Variants in AOAH observed in about 807,000 individuals in gnomAD.
The protein encoded by AOAH is acyloxyacyl hydrolase (neutrophil).
A neutral mutation model predicts 92.2 loss-of-function variants in AOAH; 64 were observed. That is an observed-to-expected ratio of 0.69 (90% CI 0.57 to 0.86). The LOEUF (loss-of-function observed/expected upper bound fraction) is 0.86, where lower values mean the gene tolerates loss of function less well. Ranked by LOEUF, AOAH falls within the 40% of genes least tolerant of loss-of-function variation. The pLI, the probability that AOAH is intolerant of heterozygous loss-of-function variation, is 0.00. For missense variants in AOAH, 656 were observed against 694.6 expected, an observed-to-expected ratio of 0.94 and a Z score of 0.62; for synonymous variants, 263 against 254.5, an observed-to-expected ratio of 1.03 and a Z score of -0.32.
chr7:36,588,557 C>A (rs1211016098), intron 12 of AOAH, among the ~76,000 whole-genome samples: 1 of 152,038 alleles, frequency 6.6e-6, no homozygotes, highest in African/African-American at 2.4e-5. Context: ...GTTATTAGGC[C>A]CATTAGTGTT....
chr7:36,581,185 TCTTCTGGGG>T (rs1232137862), intron 12 of AOAH, among the ~76,000 whole-genome samples: 1 of 152,158 alleles, frequency 6.6e-6, no homozygotes, highest in Non-Finnish European at 1.5e-5. Context: ...AATCCCCAAG[TCTTCTGGGG>T]CTTCTGCAGT....
rs561889300 is a variant in AOAH, at chr7:36,608,293, C to T, written c.846+8087G>A. On this transcript the variant is annotated intron_variant, in intron 11 of 20. Coordinates refer to ENST00000617537, the MANE Select transcript of AOAH (RefSeq NM_001637.4). ...GGGAAAGCTGAGCCCCACTGTCCCT[C>T]TGACACTGGCCATTCCCAGCCTCAA... is the stretch of plus-strand genomic sequence containing the variant. Among the ~76,000 whole-genome samples, 284 of 152,344 alleles carry T rather than the reference C, an allele frequency of 1.9e-3. 1 individual carries two copies. The highest frequency in any genetic ancestry group is 6.5e-3 in the African/African-American group (272 of 41,578).
In AOAH at chr7:36,523,629, G is replaced by GTTTTTTTTTTTTTT. The variant is rs57628897; in HGVS notation, c.1523-1528_1523-1515dup. On this transcript the variant is annotated intron_variant, in intron 19 of 20. Coordinates refer to ENST00000617537, the MANE Select transcript of AOAH (RefSeq NM_001637.4). ...TCAGTTTGCCTGGCCTGTTTTGCCT[G>GTTTTTTTTTTTTTT]TTTTTTTTTTTTTTTTTTTTGGCAT... is the stretch of plus-strand genomic sequence containing the variant. Among the ~76,000 whole-genome samples the GTTTTTTTTTTTTTT allele has an allele frequency of 7.0e-5, 7 of 100,138 alleles. 1 individual carries two copies. The highest frequency in any genetic ancestry group is 3.2e-4 in the East Asian group (1 of 3,096). The allele number at this position is 100,138 out of a possible 152,430, so 65.7% of individuals were successfully genotyped here.
intron 7 of AOAH, among the ~76,000 whole-genome samples, chr7:36,622,336 T>C (rs930178580): frequency 9.2e-5 from 14 of 152,356 alleles, no homozygotes; most frequent in East Asian, 3.9e-4. Context: ...ATTAATTTCA[T>C]TGGATAATTT....
At chr7:36,620,208 T>C (rs1396599421) in intron 9 of AOAH, among the ~76,000 whole-genome samples, 1 of 152,206 alleles carries the variant, frequency 6.6e-6, no homozygotes, top group Non-Finnish European at 1.5e-5. Context: ...CCTCAAATCT[T>C]GTAAGCTTAA....
At chr7:36,594,619 C>A in intron 11 of AOAH, 189 bp from the exon 12 acceptor site, 1 of 663,470 alleles carries the variant, frequency 1.5e-6, no homozygotes. Context: ...TCACAATGAT[C>A]AGCACCACCC....
intron 2 of AOAH, among the ~76,000 whole-genome samples, chr7:36,677,422 A>G (rs1461317750): frequency 6.6e-6 from 1 of 152,210 alleles, no homozygotes; most frequent in Non-Finnish European, 1.5e-5. Context: ...TGCTATAATA[A>G]AAGAGAGAAT....
chr7:36,564,841 G>A (rs536443487), intron 13 of AOAH, among the ~76,000 whole-genome samples: 4 of 152,314 alleles, frequency 2.6e-5, no homozygotes, highest in African/African-American at 7.2e-5. Context: ...TATCTAGATG[G>A]TTTGCATGAA....
At chr7:36,627,054 T>C (rs982348128) in intron 6 of AOAH, among the ~76,000 whole-genome samples, 1 of 152,250 alleles carries the variant, frequency 6.6e-6, no homozygotes, top group African/African-American at 2.4e-5. Flanking sequence ...CATTCCTTCA[T>C]TCCACAGGCA....
At chr7:36,548,482 G>A (rs547261322) in intron 15 of AOAH, 130 bp downstream of exon 15, 30 of 732,128 alleles carry the variant, frequency 4.1e-5, no homozygotes, top group South Asian at 6.4e-5. Context: ...CCCTGTGCCC[G>A]GCCGTGCTTC....
At chr7:36,658,511 C>G (rs112983093) in intron 4 of AOAH, among the ~76,000 whole-genome samples, 79 of 152,190 alleles carry the variant, frequency 5.2e-4, no homozygotes, top group African/African-American at 1.9e-3. Flanking sequence ...TCTCCGCAAT[C>G]TAATTAAAAG....
chr7:36,620,464 T>G (rs1433924342), intron 9 of AOAH, among the ~76,000 whole-genome samples: 1 of 152,168 alleles, frequency 6.6e-6, no homozygotes, highest in African/African-American at 2.4e-5. Context: ...CCAACAGCTG[T>G]GTGGGTTGCT....
intron 16 of AOAH, among the ~76,000 whole-genome samples, chr7:36,539,071 G>A (rs150593888): frequency 6.6e-6 from 1 of 152,332 alleles, no homozygotes; most frequent in Non-Finnish European, 1.5e-5. Flanking sequence ...ACTGCAGGAA[G>A]AGGACAAGAG....
In AOAH at chr7:36,579,432, G is replaced by A. The variant is rs892396822; in HGVS notation, c.939-2776C>T. Among the ~76,000 whole-genome samples the A allele has an allele frequency of 2.6e-5, 4 of 152,022 alleles. No homozygotes were observed. The South Asian group carries it at 8.3e-4, about 32-fold the overall frequency. On this transcript the variant is annotated intron_variant, in intron 12 of 20. Transcript: ENST00000617537. ...ATTGTTTTAAGCCATGAAAGTTTGG[G>A]GCAGTTTGTTATACAACAATAACAT...
rs1036424453 is a variant in AOAH at position 36,590,306 on chromosome 7, A to AT, written c.938+4032dup. Among the ~76,000 whole-genome samples, 188 of 150,242 alleles carry AT rather than the reference A, an allele frequency of 1.3e-3. 1 individual carries two copies. The South Asian group carries it at 0.024, about 19-fold the overall frequency. ...TGCCAAGCTCTTAACCCCCACAGAG[A>AT]TTTTTTTTTTCTGCTTTTGACCTAC... On this transcript the variant is annotated intron_variant, in intron 12 of 20. Transcript: ENST00000617537.
chr7:36,571,300 C>A, intron 13 of AOAH, among the ~76,000 whole-genome samples: 1 of 152,136 alleles, frequency 6.6e-6, no homozygotes, highest in Non-Finnish European at 1.5e-5. Flanking sequence ...GTCTATCCCC[C>A]AAAGGGAGGG....
chr7:36,649,708 A>G (rs1794451324), intron 4 of AOAH, among the ~76,000 whole-genome samples: 2 of 151,740 alleles, frequency 1.3e-5, no homozygotes, highest in South Asian at 4.2e-4. Context: ...TTGCAATTGC[A>G]CTCTCTTCTG....
intron 4 of AOAH, among the ~76,000 whole-genome samples, chr7:36,657,982 T>C (rs1411958624): frequency 2.0e-5 from 3 of 152,190 alleles, no homozygotes; most frequent in African/African-American, 4.8e-5. Context: ...CATTTCTTCC[T>C]TGCAATATCA....
At chr7:36,522,166 C>A in intron 19 of AOAH, 51 bp from the exon 20 acceptor site, 2 of 1,569,828 alleles carry the variant, frequency 1.3e-6, no homozygotes, top group Non-Finnish European at 1.8e-6. Context: ...CAAGCAACGG[C>A]CAATATCCAA....
Sources: allele counts gnomAD v4.1 joint callset (sites outside exome capture counted in the v4.1 genomes callset), GRCh38; gene constraint gnomAD v4.1.1; transcripts MANE v1.5; gene names NCBI Gene and HGNC (gene_info 2026-07-23, HGNC 2026-07-21).